Variants in PAXIP1 observed in about 807,000 individuals in gnomAD.
The protein encoded by PAXIP1 is PAX-interacting protein 1.
A neutral mutation model predicts 140.6 loss-of-function variants in PAXIP1; 19 were observed. That is an observed-to-expected ratio of 0.14 (90% CI 0.09 to 0.20). PAXIP1 has a LOEUF of 0.20. Among genes scored for constraint, PAXIP1 ranks in the 10% least tolerant of loss-of-function variants. The pLI is 1.00. For missense variants in PAXIP1, 920 were observed against 1,208.6 expected, an observed-to-expected ratio of 0.76 and a Z score of 3.54; for synonymous variants, 442 against 444.6, an observed-to-expected ratio of 0.99 and a Z score of 0.07.
chr7:154,958,068 G>T (rs887780351), intron 13 of PAXIP1, among the ~76,000 whole-genome samples: 3 of 151,452 alleles, frequency 2.0e-5, no homozygotes, highest in Non-Finnish European at 4.4e-5. Flanking sequence ...TCACCTATGA[G>T]ATTTCACAAA....
intron 13 of PAXIP1, among the ~76,000 whole-genome samples, chr7:154,957,734 G>A (rs957680972): frequency 1.3e-5 from 2 of 151,942 alleles, no homozygotes; most frequent in African/African-American, 2.4e-5. Flanking sequence ...TTGGGAGGCC[G>A]AGGCGGGTGG....
chr7:154,983,824 G>C (rs1266646783), intron 4 of PAXIP1: 1 of 153,750 alleles, frequency 6.5e-6, no homozygotes, highest in Non-Finnish European at 1.4e-5. Context: ...ATGGTGGCTT[G>C]TAAGTTCAGG....
At chr7:154,967,112 C>T (rs1809061250) in intron 8 of PAXIP1, among the ~76,000 whole-genome samples, 1 of 152,204 alleles carries the variant, frequency 6.6e-6, no homozygotes, top group Admixed American at 6.5e-5. Context: ...TGCCACCCCA[C>T]CTCTGCTTAG....
intron 16 of PAXIP1, among the ~76,000 whole-genome samples, chr7:154,952,957 G>A (rs1223226250): frequency 1.3e-5 from 2 of 151,994 alleles, no homozygotes; most frequent in African/African-American, 4.8e-5. Flanking sequence ...TTATTTTTCT[G>A]GGTCTTCTCA....
intron 1 of PAXIP1, chr7:155,001,438 A>G (rs1810883291): frequency 6.6e-6 from 1 of 151,980 alleles, no homozygotes. Flanking sequence ...TGTTACAGGC[A>G]CTCATCTTCA....
chr7:154,997,738 C>T (rs1257348392), intron 2 of PAXIP1, among the ~76,000 whole-genome samples: 2 of 152,214 alleles, frequency 1.3e-5, no homozygotes, highest in South Asian at 2.1e-4. Context: ...CAATAAATTA[C>T]CCATAGGTCA....
chr7:154,945,268 A>G (rs1807904830), intron 20 of PAXIP1: 1 of 153,532 alleles, frequency 6.5e-6, no homozygotes, highest in African/African-American at 2.4e-5. Context: ...GGCATGAGCC[A>G]CCACGTCCGG....
chr7:154,996,670 C>G (rs1420200466), intron 2 of PAXIP1, among the ~76,000 whole-genome samples: 1 of 152,206 alleles, frequency 6.6e-6, no homozygotes, highest in Non-Finnish European at 1.5e-5. Flanking sequence ...CATATAGCAG[C>G]AGCCATGCCC....
intron 4 of PAXIP1, chr7:154,985,926 C>G: frequency 1.0e-6 from 1 of 998,704 alleles, no homozygotes; most frequent in Non-Finnish European, 1.4e-6. Flanking sequence ...GATTGAGATA[C>G]AGAATGGAAA....
At position 154,954,213 on chromosome 7, in the gene PAXIP1, T is replaced by G. The variant is rs759742253; in HGVS notation, c.2821+42A>C. On this transcript the variant is annotated intron_variant, in intron 16 of 20. Coordinates refer to ENST00000404141, the MANE Select transcript of PAXIP1 (RefSeq NM_007349.4). The surrounding 1 kb of genome is among the most constrained non-coding windows in gnomAD (Gnocchi z 5.1). The stretch of plus-strand genomic sequence containing the variant: ...AGATGAATTCAAGAAAAAAAAAAGT[T>G]TATTTGGCATTAAAAGCAAAGTTAC... 7.5e-7 allele frequency: 1 copy of G among 1,329,874 alleles called. No individual in the cohort carries two copies. The highest frequency in any genetic ancestry group is 2.7e-5 in the East Asian group (1 of 37,286). The allele number at this position is 1,329,874 out of a possible 1,614,324, so 82.4% of individuals were successfully genotyped here. A position where few individuals can be genotyped will look rare whatever the true frequency, so the allele number is the denominator to read the frequency against.
chr7:154,974,557 C>T (rs964315879), intron 6 of PAXIP1: 12 of 152,172 alleles, frequency 7.9e-5, no homozygotes, highest in African/African-American at 2.7e-4. Flanking sequence ...CATGGCCTCT[C>T]CTTGTCATTC....
chr7:154,995,937 T>C (rs1228510772), intron 2 of PAXIP1, among the ~76,000 whole-genome samples: 2 of 152,334 alleles, frequency 1.3e-5, no homozygotes, highest in East Asian at 3.8e-4. Flanking sequence ...ATTTAAAAAA[T>C]AATTTTAAAA....
intron 20 of PAXIP1, chr7:154,945,489 T>G (rs975019996): frequency 1.0e-6 from 1 of 983,646 alleles, no homozygotes; most frequent in Non-Finnish European, 1.2e-6. Context: ...TCGGCAAGGA[T>G]GGGTATCATT....
At chr7:154,992,549 C>G (rs945747174) in intron 3 of PAXIP1, among the ~76,000 whole-genome samples, 4 of 150,882 alleles carry the variant, frequency 2.7e-5, no homozygotes, top group Admixed American at 2.6e-4. Context: ...GAGCCGAGAT[C>G]GTGCCACTGG....
At chr7:154,962,871 C>T (rs978860620) in intron 9 of PAXIP1, among the ~76,000 whole-genome samples, 3 of 152,130 alleles carry the variant, frequency 2.0e-5, no homozygotes, top group Non-Finnish European at 4.4e-5. Flanking sequence ...CACATTTTTA[C>T]AGGAAAAGCA....
At chr7:154,948,920 T>C (rs1352184552) in intron 16 of PAXIP1, 3 of 152,150 alleles carry the variant, frequency 2.0e-5, no homozygotes, top group African/African-American at 7.2e-5. Context: ...TTATAAAGGA[T>C]AGTTTTATCA....
chr7:154,957,502 CTG>C (rs1184466176), intron 13 of PAXIP1, among the ~76,000 whole-genome samples: 1 of 142,196 alleles, frequency 7.0e-6, no homozygotes, highest in African/African-American at 2.4e-5. Flanking sequence ...GAGAGAACCT[CTG>C]TATCGTTTTT....
Position 154,976,262 on chromosome 7 carries a change from C to T in PAXIP1, c.508G>A (p.Val170Ile), listed in dbSNP as rs200881591. Residue 170 changes from valine (V) to isoleucine (I), a missense_variant, in exon 6 of 21, where the codon GTA (valine) becomes ATA (isoleucine). Around this residue, in one of 5 missense-constraint regions of PAXIP1, gnomAD observed 419 missense variants for 514.7 expected, o/e 0.81. Coordinates refer to ENST00000404141, the MANE Select transcript of PAXIP1 (RefSeq NM_007349.4). ...IVTPDWVLDCVSEKTKKDEAF... is the reference protein window; with the variant it reads ...IVTPDWVLDCISEKTKKDEAF... ...TCGTCCTTTTTGGTTTTCTCTGATA[C>T]GCAATCCAGAACCCAGTCAGGAGTC... 85 of 1,613,826 alleles carry T rather than the reference C, an allele frequency of 5.3e-5. No homozygotes were observed. Among genetic ancestry groups the T allele is most frequent in the African/African-American group, 1.9e-4 (14 of 75,034 alleles).
At chr7:154,992,510 G>A (rs187415518) in intron 3 of PAXIP1, among the ~76,000 whole-genome samples, 292 of 151,754 alleles carry the variant, frequency 1.9e-3, no homozygotes, top group Non-Finnish European at 3.6e-3. Context: ...CAGGAGAATC[G>A]CTTGAACCCA....
Sources: allele counts gnomAD v4.1 joint callset (sites outside exome capture counted in the v4.1 genomes callset), GRCh38; gene constraint gnomAD v4.1.1; regional missense constraint gnomAD v4.1.1; non-coding constraint Gnocchi (gnomAD v3.1); transcripts MANE v1.5; gene names NCBI Gene and HGNC (gene_info 2026-07-23, HGNC 2026-07-21).